Variants in ANGPTL5 observed in about 807,000 individuals in gnomAD.
ANGPTL5 encodes the protein angiopoietin-related protein 5.
A neutral mutation model predicts 39.4 loss-of-function variants in ANGPTL5; 34 were observed. The observed-to-expected ratio is 0.86, with a 90% confidence interval of 0.66 to 1.15. The LOEUF is 1.15. Ranked by LOEUF, ANGPTL5 falls within the 50% of genes most tolerant of loss-of-function variation. The pLI, the probability that ANGPTL5 is intolerant of heterozygous loss-of-function variation, is 0.00. For missense variants in ANGPTL5, 467 were observed against 457.5 expected (o/e 1.02, Z -0.19); for synonymous variants, 146 against 152.1 (o/e 0.96, Z 0.29).
chr11:101,903,902 G>A (rs1481290304), intron 5 of ANGPTL5, among the ~76,000 whole-genome samples: 1 of 151,678 alleles, frequency 6.6e-6, no homozygotes, highest in Non-Finnish European at 1.5e-5. Context: ...ATTTCCTTGT[G>A]ATAAACATTT....
chr11:101,892,161 A>G (rs534027424), intron 8 of ANGPTL5, among the ~76,000 whole-genome samples: 208 of 152,276 alleles, frequency 1.4e-3, no homozygotes, highest in African/African-American at 4.8e-3. Context: ...CACATGATTT[A>G]TGGACCAATT....
chr11:101,903,904 T>C (rs1247114821), intron 5 of ANGPTL5, among the ~76,000 whole-genome samples: 2 of 152,050 alleles, frequency 1.3e-5, no homozygotes, highest in Non-Finnish European at 2.9e-5. Flanking sequence ...TTCCTTGTGA[T>C]AAACATTTGA....
intron 4 of ANGPTL5, among the ~76,000 whole-genome samples, chr11:101,905,308 A>G (rs560192913): frequency 9.7e-4 from 148 of 152,202 alleles, no homozygotes; most frequent in African/African-American, 3.4e-3. Context: ...GCCTATTCCT[A>G]TAGTCAGTTT....
intron 6 of ANGPTL5, among the ~76,000 whole-genome samples, chr11:101,901,524 A>T (rs1939899644): frequency 6.6e-6 from 1 of 152,122 alleles, no homozygotes; most frequent in Admixed American, 6.5e-5. Flanking sequence ...CGATATAGGG[A>T]AGAAATCAGA....
chr11:101,913,087 T>C (rs1313467965), intron 1 of ANGPTL5, among the ~76,000 whole-genome samples: 1 of 152,230 alleles, frequency 6.6e-6, no homozygotes. Context: ...AGACACTGAC[T>C]AACTGACCCT....
At chr11:101,901,331 A>G (rs1435672605) in intron 6 of ANGPTL5, among the ~76,000 whole-genome samples, 1 of 151,958 alleles carries the variant, frequency 6.6e-6, no homozygotes, top group Admixed American at 6.6e-5. Flanking sequence ...GTGTGTGTGC[A>G]CGGCTAAATA....
At position 101,898,616 on chromosome 11, in the gene ANGPTL5, C is replaced by A. The variant is rs376792970; in HGVS notation, c.661+1814G>T. On this transcript the variant is annotated intron_variant, in intron 7 of 8. Transcript: ENST00000334289. ...CAGAGACAATTTGACTTCCTCTTTT[C>A]CTAATTGAATACCCTTTATTTATTT... Among the ~76,000 whole-genome samples, 550 of 152,300 alleles carry A rather than the reference C, an allele frequency of 3.6e-3. 4 individuals are homozygous for A. The highest frequency in any genetic ancestry group is 0.013 in the African/African-American group (523 of 41,562).
At chr11:101,891,620 A>G in intron 8 of ANGPTL5, 22 bp from the exon 9 acceptor site, 1 of 1,606,894 alleles carries the variant, frequency 6.2e-7, no homozygotes, top group Non-Finnish European at 8.5e-7. Flanking sequence ...ATTTTTAATG[A>G]TCGAATTTAA....
intron 6 of ANGPTL5, among the ~76,000 whole-genome samples, chr11:101,901,857 A>G (rs1939905983): frequency 6.6e-6 from 1 of 152,116 alleles, no homozygotes; most frequent in Admixed American, 6.5e-5. Context: ...ATTATCCAAT[A>G]AAGACTATCA....
At chr11:101,915,504 G>A (rs930555935) in intron 1 of ANGPTL5, 2 of 1,487,438 alleles carry the variant, frequency 1.3e-6, no homozygotes, top group Non-Finnish European at 1.8e-6. Context: ...TTGACGCAGG[G>A]TGATCAAAAC....
intron 1 of ANGPTL5, chr11:101,915,563 C>T: frequency 9.9e-7 from 1 of 1,011,268 alleles, no homozygotes; most frequent in Non-Finnish European, 1.4e-6. Flanking sequence ...TGTCGTGTCT[C>T]ACCTTAGACC....
chr11:101,911,559 G>C (rs1015844320), intron 1 of ANGPTL5, among the ~76,000 whole-genome samples: 2 of 152,052 alleles, frequency 1.3e-5, no homozygotes, highest in South Asian at 2.1e-4. Flanking sequence ...CATGAGATCC[G>C]GTCATTTTAA....
chr11:101,904,613 T>C (rs1939966122), intron 5 of ANGPTL5, among the ~76,000 whole-genome samples: 1 of 152,214 alleles, frequency 6.6e-6, no homozygotes, highest in Non-Finnish European at 1.5e-5. Flanking sequence ...GGCTTTCACA[T>C]GGTTGAAAAA....
intron 7 of ANGPTL5, among the ~76,000 whole-genome samples, chr11:101,897,001 A>T (rs543802868): frequency 6.6e-6 from 1 of 152,314 alleles, no homozygotes; most frequent in South Asian, 2.1e-4. Flanking sequence ...ATTTCTCCAC[A>T]TCCTCTCCAG....
chr11:101,907,783 C>T (rs752610198), intron 2 of ANGPTL5, 31 bp downstream of exon 2: 1 of 1,402,488 alleles, frequency 7.1e-7, no homozygotes, highest in Non-Finnish European at 1.0e-6. Context: ...TCATGCTTTC[C>T]TAGCTAATAT....
At chr11:101,910,424 A>AAAAT (rs1469724609) in intron 1 of ANGPTL5, among the ~76,000 whole-genome samples, 9 of 127,218 alleles carry the variant, frequency 7.1e-5, no homozygotes, top group African/African-American at 2.4e-4. Context: ...AAAAAAAAAA[A>AAAAT]ATATATATAT....
chr11:101,912,826 G>A (rs1458841030), intron 1 of ANGPTL5, among the ~76,000 whole-genome samples: 1 of 152,156 alleles, frequency 6.6e-6, no homozygotes, highest in African/African-American at 2.4e-5. Flanking sequence ...TCCTGTTGTA[G>A]TTTGGACACA....
At chr11:101,892,206 C>T (rs577098286) in intron 8 of ANGPTL5, among the ~76,000 whole-genome samples, 2 of 152,078 alleles carry the variant, frequency 1.3e-5, no homozygotes, top group East Asian at 3.9e-4. Context: ...TTTTAAAGGG[C>T]TTCTACTGAA....
chr11:101,912,936 C>A (rs914348232), intron 1 of ANGPTL5, among the ~76,000 whole-genome samples: 1 of 152,148 alleles, frequency 6.6e-6, no homozygotes, highest in African/African-American at 2.4e-5. Flanking sequence ...TAAGGCCATG[C>A]CAGGCAAGGG....
Sources: gnomAD v4.1 joint callset for allele counts (sites outside exome capture counted in the v4.1 genomes callset) on GRCh38, gnomAD v4.1.1 for gene constraint, MANE v1.5 for transcripts, NCBI Gene and HGNC (gene_info 2026-07-23, HGNC 2026-07-21) for gene names.